Variants in HEPHL1 observed in about 807,000 individuals in gnomAD.
HEPHL1 encodes ferroxidase HEPHL1.
Under a neutral mutation model 122.0 loss-of-function variants are expected in HEPHL1, and 123 were observed. The observed-to-expected ratio is 1.01, with a 90% CI of 0.87 to 1.17. The LOEUF (loss-of-function observed/expected upper bound fraction) is 1.17, where lower values mean the gene tolerates loss of function less well. HEPHL1 is among the 50% of genes most tolerant of loss of function. HEPHL1 has a pLI of 0.00. For missense variants in HEPHL1, 1,452 were observed against 1,430.5 expected (o/e 1.01, Z -0.24); for synonymous variants, 527 against 508.9 (o/e 1.04, Z -0.48).
intron 11 of HEPHL1, among the ~76,000 whole-genome samples, chr11:94,087,457 C>T (rs1253376083): frequency 6.6e-6 from 1 of 152,082 alleles, no homozygotes; most frequent in Non-Finnish European, 1.5e-5. Flanking sequence ...GTCATTTCAC[C>T]AATTCCTGTC....
chr11:94,060,150 A>G (rs1945974978), intron 2 of HEPHL1, among the ~76,000 whole-genome samples: 1 of 140,904 alleles, frequency 7.1e-6, no homozygotes, highest in East Asian at 2.1e-4. Context: ...ATATATATAT[A>G]CACGCACTGG....
rs371133631 is a variant in HEPHL1 at position 94,086,152 on chromosome 11, C to T, written c.2043C>T (p.His681=). The T allele has an allele frequency of 3.4e-4, 549 of 1,612,882 alleles. 2 individuals are homozygous for T. In the Middle Eastern group the frequency reaches 5.1e-3, roughly 15 times the overall value. Residue 681 remains histidine (H), a synonymous_variant, in exon 11 of 20, where the codon CAC becomes CAT. Coordinates refer to ENST00000315765, the MANE Select transcript of HEPHL1 (RefSeq NM_001098672.2). ...THRDSLALFP[H]MATTAFMQPD... ...GAGACTCCCTGGCCCTGTTTCCCCACATGGCCACAACAGCATTCATGCAGC... is the reference window on the plus strand; with the variant it reads ...GAGACTCCCTGGCCCTGTTTCCCCATATGGCCACAACAGCATTCATGCAGC...
chr11:94,057,814 C>T (rs1945951117), intron 2 of HEPHL1, among the ~76,000 whole-genome samples: 1 of 152,008 alleles, frequency 6.6e-6, no homozygotes, highest in South Asian at 2.1e-4. Flanking sequence ...CTCTATTAAT[C>T]ACACTTGCCT....
Position 94,088,980 on chromosome 11 carries a change from G to T in HEPHL1, c.2294+12G>T. ...GCAAGAGGGGAAAGGTACCACAGGC[G>T]CCGCCGCTAGGGCTCCTCGGTGGGA... On this transcript the variant is annotated intron_variant, in intron 12 of 19. Coordinates refer to ENST00000315765, the MANE Select transcript of HEPHL1 (RefSeq NM_001098672.2). The T allele has an allele frequency of 6.2e-7, 1 of 1,612,516 alleles. No individual in the cohort carries two copies. Among genetic ancestry groups the T allele is most frequent in the Non-Finnish European group, 8.5e-7 (1 of 1,178,592 alleles).
chr11:94,070,402 T>C lies in HEPHL1; in HGVS notation c.1092T>C (p.Asp364=). The part of the protein sequence containing the change: ...QAGMLGQYNV[D]NCKSDIFYPK... ...GTATGCTGGGGCAATACAATGTTGA[T>C]AACTGCAAAAGTGATATTTTCTACC... Residue 364 remains aspartate (D), a synonymous_variant, in exon 6 of 20, where the codon GAT becomes GAC. Transcript: ENST00000315765. The C allele has an allele frequency of 6.2e-7, 1 of 1,600,900 alleles. No homozygotes were observed. The highest frequency in any genetic ancestry group is 8.5e-7 in the Non-Finnish European group (1 of 1,173,010).
intron 1 of HEPHL1, among the ~76,000 whole-genome samples, chr11:94,043,037 G>T (rs910668197): frequency 1.4e-4 from 21 of 151,964 alleles, no homozygotes; most frequent in African/African-American, 5.1e-4. Context: ...TAGGGCCACA[G>T]AAAAGTAGAA....
chr11:94,045,983 TAA>T (rs1945832697), intron 2 of HEPHL1, 66 bp downstream of exon 2: 2 of 1,489,322 alleles, frequency 1.3e-6, no homozygotes, highest in Non-Finnish European at 1.8e-6. Flanking sequence ...CTGTCAGAGT[TAA>T]AGAGATTTTA....
At chr11:94,028,582 G>A (rs1945646220) in intron 1 of HEPHL1, among the ~76,000 whole-genome samples, 1 of 152,180 alleles carries the variant, frequency 6.6e-6, no homozygotes, top group African/African-American at 2.4e-5. Flanking sequence ...AGTTGTTAAT[G>A]TTAACCTTCC....
Position 94,045,716 on chromosome 11 carries a change from A to G in HEPHL1, c.214A>G (p.Ser72Gly), listed in dbSNP as rs1024586682. Reference sequence around the variant, plus strand: ...CGAAAGAGGGCCCAACAGGATAGGCAGTATTTACAAAAAGGCTGTTTACAG... The same window carrying G: ...CGAAAGAGGGCCCAACAGGATAGGCGGTATTTACAAAAAGGCTGTTTACAG... ...FLERGPNRIG[S>G]IYKKAVYRRF... The change falls in exon 2 of 20, where the codon AGT (serine) becomes GGT (glycine). Residue 72 changes from serine (S) to glycine (G), a missense_variant. Physicochemically the swap from Ser to Gly is moderately conservative, Grantham distance 56 (BLOSUM62 0). Transcript: ENST00000315765. The G allele has an allele frequency of 3.7e-6, 6 of 1,612,690 alleles. No homozygotes were observed. Among genetic ancestry groups the G allele is most frequent in the Non-Finnish European group, 5.1e-6 (6 of 1,179,250 alleles).
At chr11:94,084,257 C>G (rs1472873193) in intron 10 of HEPHL1, among the ~76,000 whole-genome samples, 2 of 151,578 alleles carry the variant, frequency 1.3e-5, no homozygotes, top group Admixed American at 6.6e-5. Flanking sequence ...TCTCTTCAGC[C>G]CGGGAGGTTG....
chr11:94,045,564 G>GCC lies in HEPHL1; in HGVS notation c.171-109_171-108insCC. 5 of 933,492 alleles carry GCC rather than the reference G, an allele frequency of 5.4e-6. No homozygotes were observed. In the South Asian group the frequency reaches 8.9e-5, roughly 17 times the overall value. The allele number at this position is 933,492 out of a possible 1,614,324, so 57.8% of individuals were successfully genotyped here. On this transcript the variant is annotated intron_variant, in intron 1 of 19. Transcript: ENST00000315765. ...CCCTACAGAGGTTGCAGCTTATAGT[G>GCC]AACACCAAATGAGAGGTCATACATG...
chr11:94,036,125 G>A (rs371120997), intron 1 of HEPHL1, among the ~76,000 whole-genome samples: 4 of 152,168 alleles, frequency 2.6e-5, no homozygotes, highest in Non-Finnish European at 5.9e-5. Context: ...CCTTAAGGGC[G>A]TATTTCATTA....
rs139752126 is a variant in HEPHL1, at chr11:94,078,554, C to T, written c.1716+3169C>T. Among the ~76,000 whole-genome samples, 178 of 150,500 alleles carry T rather than the reference C, an allele frequency of 1.2e-3. 1 individual carries two copies. Among genetic ancestry groups the T allele is most frequent in the African/African-American group, 4.2e-3 (172 of 40,970 alleles). ...TTATGGAGACTGATAGATCTCAGCA[C>T]CTGCAGGCTGAGTCAACAGGCAGAA... On this transcript the variant is annotated intron_variant, in intron 9 of 19. Transcript: ENST00000315765.
intron 8 of HEPHL1, 50 bp downstream of exon 8, chr11:94,073,489 A>AGTC (rs1946095653): frequency 6.5e-7 from 1 of 1,527,800 alleles, no homozygotes; most frequent in African/African-American, 1.4e-5. Flanking sequence ...TGAGCAAAGC[A>AGTC]CTTAGAAATA....
At chr11:94,039,422 T>A (rs1412195915) in intron 1 of HEPHL1, among the ~76,000 whole-genome samples, 1 of 151,896 alleles carries the variant, frequency 6.6e-6, no homozygotes, top group Non-Finnish European at 1.5e-5. Context: ...ATATACATTT[T>A]TTTCAGCACC....
intron 9 of HEPHL1, among the ~76,000 whole-genome samples, chr11:94,081,088 C>T (rs894731833): frequency 1.3e-5 from 2 of 152,174 alleles, no homozygotes; most frequent in African/African-American, 4.8e-5. Flanking sequence ...TTGTGGTACA[C>T]GTACACCATG....
chr11:94,038,031 T>G (rs1269928270), intron 1 of HEPHL1, among the ~76,000 whole-genome samples: 1 of 146,624 alleles, frequency 6.8e-6, no homozygotes, highest in Non-Finnish European at 1.5e-5. Context: ...TTAAAGGAGC[T>G]GATGGAGCTG....
Position 94,111,625 on chromosome 11 carries a change from A to G in HEPHL1, c.3277+20A>G, listed in dbSNP as rs1477911825. On this transcript the variant is annotated intron_variant, in intron 19 of 19. Transcript: ENST00000315765. ...CTAACGGTAATGATACCCTCTCCCC[A>G]TGTAAATGAGTCAACATTTCACCCC... 6.2e-7 allele frequency: 1 copy of G among 1,608,058 alleles called. No individual in the cohort carries two copies. The highest frequency in any genetic ancestry group is 1.1e-5 in the South Asian group (1 of 90,146).
chr11:94,073,136 T>G lies in HEPHL1; in HGVS notation c.1344T>G (p.Ser448=). ...CTTTTACTAAAAGAAAGAGACTCTC[T>G]GCTGAAGAAGCCCATCTTGGAATTC... ...DATFTKRKRL[S]AEEAHLGILG... is the part of the protein sequence containing the mutation. The change falls in exon 7 of 20, where the codon TCT becomes TCG. Residue 448 remains serine, a synonymous_variant. Coordinates refer to ENST00000315765, the MANE Select transcript of HEPHL1 (RefSeq NM_001098672.2). 6.2e-7 allele frequency: 1 copy of G among 1,613,224 alleles called. No homozygotes were observed. Among genetic ancestry groups the G allele is most frequent in the Non-Finnish European group, 8.5e-7 (1 of 1,179,468 alleles).
Sources: gnomAD v4.1 joint callset for allele counts (sites outside exome capture counted in the v4.1 genomes callset) on GRCh38, gnomAD v4.1.1 for gene constraint, MANE v1.5 for transcripts, NCBI Gene and HGNC (gene_info 2026-07-23, HGNC 2026-07-21) for gene names.